The following EXOC4 variants were observed in gnomAD, a reference collection of about 807,000 sequenced individuals.
The protein encoded by EXOC4 is SEC8-like 1.
EXOC4 carries 71 observed loss-of-function variants against 107.2 expected under a neutral mutation model. That is an observed-to-expected ratio of 0.66 (90% CI 0.55 to 0.81). The LOEUF (loss-of-function observed/expected upper bound fraction) is 0.81, where lower values mean the gene tolerates loss of function less well. Among genes scored for constraint, EXOC4 ranks in the 30% least tolerant of loss-of-function variants. The probability of loss-of-function intolerance (pLI) is 0.00; values close to 1 mark genes in which losing one functional copy is unlikely to be tolerated. For synonymous variants in EXOC4, 456 were observed against 441.2 expected (o/e 1.03, Z -0.42); for missense variants, 1,108 against 1,189.6 (o/e 0.93, Z 1.01).
chr7:133,509,708 T>C (rs994133894), intron 9 of EXOC4, among the ~76,000 whole-genome samples: 6 of 152,190 alleles, frequency 3.9e-5, no homozygotes, highest in Non-Finnish European at 8.8e-5. Context: ...TAAATGTCTC[T>C]CTTGTTTAAC....
chr7:133,881,387 A>C (rs1242495757), intron 11 of EXOC4, among the ~76,000 whole-genome samples: 1 of 150,034 alleles, frequency 6.7e-6, no homozygotes, highest in African/African-American at 2.5e-5. Context: ...CTCTTTTTCC[A>C]TCTTTGTTCT....
chr7:133,517,514 A>G (rs1429207929), intron 9 of EXOC4, among the ~76,000 whole-genome samples: 2 of 152,222 alleles, frequency 1.3e-5, no homozygotes, highest in African/African-American at 2.4e-5. Context: ...TAATGGAGTC[A>G]TAGTTCCACA....
chr7:133,898,775 C>T (rs1015967120), intron 12 of EXOC4, among the ~76,000 whole-genome samples: 4 of 137,182 alleles, frequency 2.9e-5, no homozygotes, highest in African/African-American at 1.1e-4. Context: ...AAAAAGAGTT[C>T]GAGACCAGCC....
intron 11 of EXOC4, among the ~76,000 whole-genome samples, chr7:133,874,374 A>G (rs1798807644): frequency 6.6e-6 from 1 of 152,224 alleles, no homozygotes; most frequent in South Asian, 2.1e-4. Context: ...TTTGTTAAAA[A>G]CAAGAACTGC....
intron 10 of EXOC4, among the ~76,000 whole-genome samples, chr7:133,775,176 C>G (rs1482011589): frequency 6.6e-6 from 1 of 152,130 alleles, no homozygotes; most frequent in East Asian, 1.9e-4. Context: ...CTCCTAAACT[C>G]TTTACTAGGT....
At chr7:133,750,736 T>A (rs933890001) in intron 10 of EXOC4, among the ~76,000 whole-genome samples, 1 of 152,056 alleles carries the variant, frequency 6.6e-6, no homozygotes, top group African/African-American at 2.4e-5. Flanking sequence ...CACACCACCA[T>A]GCCCAAATAA....
chr7:133,445,769 T>C (rs1260181839), intron 7 of EXOC4, among the ~76,000 whole-genome samples: 1 of 152,058 alleles, frequency 6.6e-6, no homozygotes, highest in East Asian at 1.9e-4. Context: ...CCCAGCAGTT[T>C]GGAAGGCGGA....
intron 7 of EXOC4, among the ~76,000 whole-genome samples, chr7:133,409,916 T>G (rs1380528694): frequency 1.3e-5 from 2 of 152,294 alleles, no homozygotes; most frequent in African/African-American, 2.4e-5. Context: ...AATTTTGCAT[T>G]TTTTTGTTTT....
chr7:133,290,778 A>C (rs1217421483), intron 3 of EXOC4: 8 of 152,174 alleles, frequency 5.3e-5, no homozygotes, highest in Non-Finnish European at 8.8e-5. Context: ...TAACTTCTTT[A>C]AATTCTTGGT....
intron 17 of EXOC4, among the ~76,000 whole-genome samples, chr7:134,030,510 C>T (rs1234257799): frequency 2.6e-5 from 4 of 152,232 alleles, no homozygotes; most frequent in East Asian, 3.9e-4. Context: ...CCTAACAATG[C>T]GGCTAGAGGA....
At chr7:134,085,396 A>G in the EXOC4 span, among the ~76,000 whole-genome samples, 1 of 152,304 alleles carries the variant, frequency 6.6e-6, no homozygotes, top group Non-Finnish European at 1.5e-5. Flanking sequence ...AAAAAATCCA[A>G]GGAGGATTTA....
At chr7:134,060,498 T>G (rs1563108842) in intron 17 of EXOC4, among the ~76,000 whole-genome samples, 1 of 152,208 alleles carries the variant, frequency 6.6e-6, no homozygotes, top group Non-Finnish European at 1.5e-5. Flanking sequence ...GAAAATGTGT[T>G]GCCCTGGAAG....
chr7:134,087,215 G>A, the EXOC4 span, among the ~76,000 whole-genome samples: 1 of 152,042 alleles, frequency 6.6e-6, no homozygotes, highest in Non-Finnish European at 1.5e-5. Flanking sequence ...CCTTTTAAAA[G>A]ACAACCCTAA....
At chr7:133,887,632 G>A (rs1246449379) in intron 11 of EXOC4, among the ~76,000 whole-genome samples, 1 of 152,048 alleles carries the variant, frequency 6.6e-6, no homozygotes, top group Non-Finnish European at 1.5e-5. Flanking sequence ...GAAAGGAAGG[G>A]GCTACCCAAA....
intron 10 of EXOC4, among the ~76,000 whole-genome samples, chr7:133,692,112 A>T (rs1370077351): frequency 6.6e-6 from 1 of 152,162 alleles, no homozygotes; most frequent in Admixed American, 6.5e-5. Context: ...TGTCTGTGGT[A>T]GTTTTAACCT....
chr7:134,029,379 G>C (rs759059020), intron 17 of EXOC4, among the ~76,000 whole-genome samples: 1 of 152,176 alleles, frequency 6.6e-6, no homozygotes, highest in Non-Finnish European at 1.5e-5. Context: ...GTCCAGAATA[G>C]GGAAATCTAT....
chr7:133,280,871 G>T (rs1367968114), intron 2 of EXOC4, among the ~76,000 whole-genome samples: 12 of 152,172 alleles, frequency 7.9e-5, no homozygotes, highest in African/African-American at 2.9e-4. Context: ...GATGCTGCTT[G>T]TATGAGAAAG....
At chr7:133,602,008 C>G (rs1169708340) in intron 9 of EXOC4, 4 of 152,288 alleles carry the variant, frequency 2.6e-5, no homozygotes, top group Non-Finnish European at 5.9e-5. Context: ...ACCAATTTTA[C>G]AGGTTCGTAT....
chr7:133,701,810 A>G (rs1165126456), intron 10 of EXOC4, among the ~76,000 whole-genome samples: 2 of 152,110 alleles, frequency 1.3e-5, no homozygotes, highest in Non-Finnish European at 2.9e-5. Context: ...CACCATATAC[A>G]CATACCCTGA....
Sources: allele counts gnomAD v4.1 joint callset (sites outside exome capture counted in the v4.1 genomes callset), GRCh38; gene constraint gnomAD v4.1.1; transcripts MANE v1.5; gene names NCBI Gene and HGNC (gene_info 2026-07-23, HGNC 2026-07-21).